NOX3: variants seen among roughly 807,000 people sequenced by gnomAD.
The protein encoded by NOX3 is NADPH oxidase 3, also known as NADPH oxidase catalytic subunit-like 3.
Under a neutral mutation model 76.7 loss-of-function variants are expected in NOX3, and 74 were observed. The ratio of observed to expected loss-of-function variants is 0.96; its 90% CI spans 0.80 to 1.17. The LOEUF (loss-of-function observed/expected upper bound fraction) is 1.17, where lower values mean the gene tolerates loss of function less well. Among genes scored for constraint, NOX3 ranks in the 50% most tolerant of loss-of-function variants. The pLI is 0.00. For synonymous variants in NOX3, 263 were observed against 261.1 expected, an observed-to-expected ratio of 1.01 and a Z score of -0.07; for missense variants, 695 against 703.3, an observed-to-expected ratio of 0.99 and a Z score of 0.13.
intron 12 of NOX3, among the ~76,000 whole-genome samples, chr6:155,403,822 G>A (rs916475591): frequency 2.0e-5 from 3 of 152,230 alleles, no homozygotes; most frequent in South Asian, 2.1e-4. Context: ...TTGATGCTCC[G>A]TGTTCCTGGC....
In NOX3 at chr6:155,455,827, G is replaced by A. The variant is rs762480691; in HGVS notation, c.-27C>T. The stretch of plus-strand genomic sequence containing the variant: ...ATACTTGTTGCTCTTCGGCTGTCAG[G>A]AAATTTCTTCTCCCTCACCTGTGTC... On this transcript the variant is annotated 5_prime_UTR_variant, in exon 1 of 14. Coordinates refer to ENST00000159060, the MANE Select transcript of NOX3 (RefSeq NM_015718.3). 3.7e-6 allele frequency: 6 copies of A among 1,611,170 alleles called. No individual in the cohort carries two copies. In the South Asian group the frequency reaches 6.6e-5, roughly 18 times the overall value.
rs1776473088 is a variant in NOX3 at position 155,407,017 on chromosome 6, T to C, written c.1580+113A>G. On this transcript the variant is annotated intron_variant, in intron 12 of 13. Coordinates refer to ENST00000159060, the MANE Select transcript of NOX3 (RefSeq NM_015718.3). ...CATTGATCACCTTTTCTAAGGTAGA[T>C]GTTTTGTCTCTAATGGAGATATACG... 4 of 1,147,134 alleles carry C rather than the reference T, an allele frequency of 3.5e-6. No individual in the cohort carries two copies. The Admixed American group carries it at 6.0e-5, about 17-fold the overall frequency. 71.1% of individuals were successfully genotyped at this position (1,147,134 alleles called of 1,614,324 possible).
intron 4 of NOX3, among the ~76,000 whole-genome samples, chr6:155,445,969 A>ATATATATGCTATATATAT (rs1380551108): frequency 3.1e-5 from 3 of 96,664 alleles, no homozygotes; most frequent in African/African-American, 1.3e-4. Flanking sequence ...ATATATATAT[A>ATATATATGCTATATATAT]ATATATATAT....
At position 155,441,725 on chromosome 6, in the gene NOX3, CT is replaced by C. The variant is rs564791989; in HGVS notation, c.486+1547del. ...TCTAGTAAGATATATAATCACATTG[CT>C]TGAAAAGTATTTTTAATAAATACTA... On this transcript the variant is annotated intron_variant, in intron 5 of 13. Transcript: ENST00000159060. Among the ~76,000 whole-genome samples the C allele has an allele frequency of 1.2e-4, 18 of 152,184 alleles. No homozygotes were observed. In the South Asian group the frequency reaches 2.7e-3, roughly 23 times the overall value.
At position 155,443,318 on chromosome 6, in the gene NOX3, G is replaced by A. The variant is rs1471817723; in HGVS notation, c.441C>T (p.Asn147=). Residue 147 remains asparagine (N), a synonymous_variant, in exon 5 of 14, where the codon AAC becomes AAT. Transcript: ENST00000159060. ...GLLAALSKLG[N]TPNESYLNPV... ...GGTTGAGGTAGCTCTCGTTAGGGGT[G>A]TTGCCCAGCTTGGAAAGTGCGGCCA... 1.9e-6 allele frequency: 3 copies of A among 1,614,146 alleles called. No individual in the cohort carries two copies. The South Asian group carries it at 3.3e-5, about 18-fold the overall frequency.
chr6:155,432,577 T>C (rs1776848772), intron 7 of NOX3, among the ~76,000 whole-genome samples: 1 of 152,190 alleles, frequency 6.6e-6, no homozygotes, highest in Non-Finnish European at 1.5e-5. Context: ...GAGTCACCTT[T>C]CTCGTTTTGT....
rs201571397 is a variant in NOX3 at position 155,428,878 on chromosome 6, C to T, written c.1061G>A (p.Arg354Gln). The change falls in exon 9 of 14, where the codon CGG becomes CAG. Residue 354 changes from arginine to glutamine, a missense_variant. By Grantham distance (43) the Arg-to-Gln change is conservative. Coordinates refer to ENST00000159060, the MANE Select transcript of NOX3 (RefSeq NM_015718.3). ...CGCTGCTGTCCAGTCTCCTGCTGCCCGGATGTGCACGCTGAAAAAGTCCTC... is the reference window on the plus strand; with the variant it reads ...CGCTGCTGTCCAGTCTCCTGCTGCCTGGATGTGCACGCTGAAAAAGTCCTC... ...PQEDFFSVHI[R>Q]AAGDWTAALL... The T allele has an allele frequency of 2.0e-5, 32 of 1,612,830 alleles. No individual in the cohort carries two copies. The highest frequency in any genetic ancestry group is 1.6e-4 in the East Asian group (7 of 44,822).
intron 3 of NOX3, among the ~76,000 whole-genome samples, 160 bp from the exon 4 acceptor site, chr6:155,453,648 A>G (rs1777175141): frequency 6.6e-6 from 1 of 152,196 alleles, no homozygotes; most frequent in East Asian, 1.9e-4. Context: ...GGCAAATCAA[A>G]AGGTTATTAG....
At chr6:155,452,787 C>G (rs1777164232) in intron 4 of NOX3, among the ~76,000 whole-genome samples, 1 of 152,162 alleles carries the variant, frequency 6.6e-6, no homozygotes, top group Non-Finnish European at 1.5e-5. Flanking sequence ...AAACCACAAG[C>G]TGGTTGATGA....
chr6:155,403,950 CAA>C (rs1395540633), intron 12 of NOX3, among the ~76,000 whole-genome samples: 1 of 151,820 alleles, frequency 6.6e-6, no homozygotes, highest in Non-Finnish European at 1.5e-5. Context: ...AATAAACAAA[CAA>C]ACACCATATG....
chr6:155,413,323 GT>G (rs960166759), intron 10 of NOX3, among the ~76,000 whole-genome samples: 1 of 152,082 alleles, frequency 6.6e-6, no homozygotes, highest in Non-Finnish European at 1.5e-5. Context: ...CCCAGAGAGG[GT>G]GGGGAGAGCA....
Position 155,453,454 on chromosome 6 carries a change from T to C in NOX3, c.290A>G (p.Lys97Arg). The C allele has an allele frequency of 2.5e-6, 4 of 1,613,968 alleles. No homozygotes were observed. The highest frequency in any genetic ancestry group is 3.4e-6 in the Non-Finnish European group (4 of 1,179,812). Reference protein sequence around the residue: ...CRGPWRRQLDKNLRFHKLVAY... With the variant: ...CRGPWRRQLDRNLRFHKLVAY... The stretch of plus-strand genomic sequence containing the variant: ...GACCAGTTTGTGAAATCTGAGGTTT[T>C]TGTCTAATTGCCTCCTCCACGGTCC... Residue 97 changes from lysine to arginine, a missense_variant, in exon 4 of 14, where the codon AAA becomes AGA. Transcript: ENST00000159060.
At chr6:155,429,422 G>T (rs527989115) in intron 8 of NOX3, among the ~76,000 whole-genome samples, 1 of 152,308 alleles carries the variant, frequency 6.6e-6, no homozygotes, top group Admixed American at 6.5e-5. Context: ...CATTATCTCT[G>T]TGTTTTTAAC....
intron 12 of NOX3, among the ~76,000 whole-genome samples, chr6:155,404,733 T>C (rs935589568): frequency 6.6e-6 from 1 of 152,118 alleles, no homozygotes; most frequent in African/African-American, 2.4e-5. Flanking sequence ...TCCCAGGGTG[T>C]AAACACTCCT....
chr6:155,430,233 G>A (rs771088907), intron 8 of NOX3, among the ~76,000 whole-genome samples: 2 of 151,990 alleles, frequency 1.3e-5, no homozygotes, highest in Non-Finnish European at 2.9e-5. Flanking sequence ...ACCCCTTCCC[G>A]TCTTCCTCCA....
intron 4 of NOX3, among the ~76,000 whole-genome samples, chr6:155,444,409 T>C (rs867203599): frequency 5.3e-5 from 8 of 152,344 alleles, no homozygotes; most frequent in Middle Eastern, 6.8e-3. Flanking sequence ...CCAGTGTTTG[T>C]GTGCGAGTCA....
chr6:155,451,474 T>C (rs1777138718), intron 4 of NOX3, among the ~76,000 whole-genome samples: 1 of 152,202 alleles, frequency 6.6e-6, no homozygotes, highest in African/African-American at 2.4e-5. Context: ...GCTTTCAGGG[T>C]ATCTTTAACA....
At position 155,431,497 on chromosome 6, in the gene NOX3, A is replaced by G. The variant is rs1317594419; in HGVS notation, c.799-562T>C. Among the ~76,000 whole-genome samples the G allele has an allele frequency of 2.0e-5, 3 of 151,566 alleles. No individual in the cohort carries two copies. The East Asian group carries it at 5.8e-4, about 29-fold the overall frequency. ...TCAATTTCCTGGCACCTTAAATTTA[A>G]GTTTATCTAATCACAGCAAAAGGCT... On this transcript the variant is annotated intron_variant, in intron 7 of 13. Coordinates refer to ENST00000159060, the MANE Select transcript of NOX3 (RefSeq NM_015718.3).
chr6:155,440,691 A>T (rs560693585), intron 5 of NOX3, among the ~76,000 whole-genome samples: 1 of 143,644 alleles, frequency 7.0e-6, no homozygotes, highest in Admixed American at 6.7e-5. Context: ...AACAAAAAAA[A>T]AAAAAACCAA....
Sources: allele counts gnomAD v4.1 joint callset (sites outside exome capture counted in the v4.1 genomes callset), GRCh38; gene constraint gnomAD v4.1.1; transcripts MANE v1.5; gene names NCBI Gene and HGNC (gene_info 2026-07-23, HGNC 2026-07-21).